Variants in LRP1B observed in about 807,000 individuals in gnomAD.
The protein encoded by LRP1B is LDL receptor related protein 1B.
LRP1B carries 217 observed loss-of-function variants against 556.6 expected under a neutral mutation model. The ratio of observed to expected loss-of-function variants is 0.39; its 90% CI spans 0.35 to 0.44. The LOEUF is 0.44. LRP1B is among the 20% of genes least tolerant of loss of function. The pLI, the probability that LRP1B is intolerant of heterozygous loss-of-function variation, is 1.00. For missense variants in LRP1B, 5,053 were observed against 5,620.8 expected (o/e 0.90, Z 3.23); for synonymous variants, 2,047 against 1,865.8 (o/e 1.10, Z -2.50).
intron 1 of LRP1B, among the ~76,000 whole-genome samples, chr2:141,810,875 A>G (rs1021941654): frequency 3.3e-5 from 5 of 152,114 alleles, no homozygotes; most frequent in Non-Finnish European, 7.4e-5. Flanking sequence ...CCATCCTGAT[A>G]CTGGGGCTTC....
intron 1 of LRP1B, among the ~76,000 whole-genome samples, chr2:142,086,087 A>C: frequency 6.6e-6 from 1 of 152,226 alleles, no homozygotes; most frequent in South Asian, 2.1e-4. Flanking sequence ...TTAAAGTAGG[A>C]TTCCTTATAT....
chr2:141,170,658 T>C (rs2105141002), intron 7 of LRP1B, among the ~76,000 whole-genome samples: 1 of 152,186 alleles, frequency 6.6e-6, no homozygotes, highest in East Asian at 1.9e-4. Context: ...TCTATCCTTT[T>C]AAGGTATGCA....
At chr2:141,132,280 G>T (rs186421269) in intron 7 of LRP1B, among the ~76,000 whole-genome samples, 2 of 151,974 alleles carry the variant, frequency 1.3e-5, no homozygotes, top group Non-Finnish European at 2.9e-5. Flanking sequence ...GCTTGGTCTT[G>T]TTCTTGCCAT....
chr2:141,974,766 T>C (rs1364018777), intron 1 of LRP1B, among the ~76,000 whole-genome samples: 1 of 152,062 alleles, frequency 6.6e-6, no homozygotes, highest in Non-Finnish European at 1.5e-5. Context: ...CAACTACTGT[T>C]CCAATTTTCC....
At chr2:141,056,681 G>A (rs920005555) in intron 9 of LRP1B, among the ~76,000 whole-genome samples, 2 of 151,700 alleles carry the variant, frequency 1.3e-5, no homozygotes, top group Non-Finnish European at 1.5e-5. Context: ...TCCATTATTT[G>A]GAATGCTTAT....
chr2:141,000,450 C>T (rs550494104), intron 15 of LRP1B, among the ~76,000 whole-genome samples: 1 of 152,152 alleles, frequency 6.6e-6, no homozygotes, highest in South Asian at 2.1e-4. Flanking sequence ...GAAGCATCTG[C>T]CATTGACTTG....
chr2:141,892,344 G>C (rs1699316471), intron 1 of LRP1B, among the ~76,000 whole-genome samples: 1 of 151,828 alleles, frequency 6.6e-6, no homozygotes, highest in African/African-American at 2.4e-5. Context: ...CTTGAAATAA[G>C]ATATGAATAA....
At chr2:140,842,211 G>A (rs975441251) in intron 29 of LRP1B, among the ~76,000 whole-genome samples, 1 of 152,132 alleles carries the variant, frequency 6.6e-6, no homozygotes, top group Non-Finnish European at 1.5e-5. Context: ...ATTTTTTAAT[G>A]TGAAAGTGGA....
chr2:140,581,727 A>G (rs1416947610), intron 43 of LRP1B, among the ~76,000 whole-genome samples: 1 of 151,980 alleles, frequency 6.6e-6, no homozygotes, highest in Non-Finnish European at 1.5e-5. Context: ...GTTAGCCTGA[A>G]TTATCTTTCT....
intron 49 of LRP1B, among the ~76,000 whole-genome samples, chr2:140,522,682 A>G (rs2104957605): frequency 6.6e-6 from 1 of 151,898 alleles, no homozygotes; most frequent in African/African-American, 2.4e-5. Context: ...GATTAACAAA[A>G]AAAAAAGAGA....
At chr2:141,832,334 CA>C (rs1697141259) in intron 1 of LRP1B, among the ~76,000 whole-genome samples, 1 of 139,076 alleles carries the variant, frequency 7.2e-6, no homozygotes, top group African/African-American at 3.1e-5. Context: ...CTCTCACACA[CA>C]CACACACACA....
In LRP1B at chr2:140,270,254, A is replaced by G. The variant is rs367588350; in HGVS notation, c.13235T>C (p.Val4412Ala). The G allele has an allele frequency of 2.2e-4, 356 of 1,610,768 alleles. No individual in the cohort carries two copies. The highest frequency in any genetic ancestry group is 2.9e-4 in the Non-Finnish European group (337 of 1,177,562). ...ATTAAATACTCACAGACACACAGGT[A>G]CATTTGTCTCGGGGTCCAGCTGGCA... ...GTCQLDPETNVPVCLCSTNWS... is the reference protein window; with the variant it reads ...GTCQLDPETNAPVCLCSTNWS... The change falls in exon 86 of 91, where the codon GTA (valine) becomes GCA (alanine). Residue 4412 changes from valine (V) to alanine (A), a missense_variant. Transcript: ENST00000389484.
chr2:141,987,662 A>G (rs971020998), intron 1 of LRP1B, among the ~76,000 whole-genome samples: 1 of 150,988 alleles, frequency 6.6e-6, no homozygotes, highest in African/African-American at 2.4e-5. Context: ...TAATATACCT[A>G]CCACAAATCA....
intron 56 of LRP1B, among the ~76,000 whole-genome samples, chr2:140,493,580 TC>T (rs1262802705): frequency 8.4e-6 from 1 of 118,524 alleles, no homozygotes; most frequent in Admixed American, 9.5e-5. Context: ...CATTTTAACA[TC>T]TTTTTTTTAA....
At chr2:142,048,773 T>C (rs1704345507) in intron 1 of LRP1B, among the ~76,000 whole-genome samples, 2 of 152,016 alleles carry the variant, frequency 1.3e-5, no homozygotes, top group South Asian at 4.1e-4. Context: ...ATGGTCTAAG[T>C]TGAATAACTA....
intron 7 of LRP1B, among the ~76,000 whole-genome samples, chr2:141,145,044 C>G (rs962922860): frequency 4.6e-5 from 7 of 152,276 alleles, no homozygotes; most frequent in Middle Eastern, 3.4e-3. Flanking sequence ...AACCCAAGCT[C>G]TTTTCTAACT....
At chr2:141,871,381 C>T (rs528215184) in intron 1 of LRP1B, among the ~76,000 whole-genome samples, 78 of 152,080 alleles carry the variant, frequency 5.1e-4, no homozygotes, top group African/African-American at 1.8e-3. Flanking sequence ...TCTTGCATTG[C>T]ATTATTTACT....
At chr2:141,193,214 C>G (rs1294078544) in intron 6 of LRP1B, among the ~76,000 whole-genome samples, 1 of 151,964 alleles carries the variant, frequency 6.6e-6, no homozygotes, top group Non-Finnish European at 1.5e-5. Context: ...CCATTTAACC[C>G]AGCAATCCCA....
chr2:141,044,422 G>T lies in LRP1B; in HGVS notation c.1789+4564C>A, dbSNP rs1229381748. Among the ~76,000 whole-genome samples, 6 of 151,550 alleles carry T rather than the reference G, an allele frequency of 4.0e-5. 1 individual carries two copies. Among genetic ancestry groups the T allele is most frequent in the Admixed American group, 3.9e-4 (6 of 15,220 alleles). ...AACAAAAGACAAAATTGACAAAAGG[G>T]ATCTAATTAAACTAAAGAGCTTCTG... is the stretch of plus-strand genomic sequence containing the variant. On this transcript the variant is annotated intron_variant, in intron 11 of 90. Transcript: ENST00000389484.
Sources: allele counts gnomAD v4.1 joint callset (sites outside exome capture counted in the v4.1 genomes callset), GRCh38; gene constraint gnomAD v4.1.1; transcripts MANE v1.5; gene names NCBI Gene and HGNC (gene_info 2026-07-23, HGNC 2026-07-21).